Variants in NAV3 observed in about 807,000 individuals in gnomAD.
NAV3 encodes the protein neuron navigator 3.
NAV3 carries 87 observed loss-of-function variants against 244.7 expected under a neutral mutation model. That is an observed-to-expected ratio of 0.36 (90% CI 0.30 to 0.42). NAV3 has a LOEUF of 0.42. Among genes scored for constraint, NAV3 ranks in the 20% least tolerant of loss-of-function variants. NAV3 has a pLI of 1.00. For synonymous variants in NAV3, 1,126 were observed against 1,042.2 expected (o/e 1.08, Z -1.55); for missense variants, 2,663 against 2,893.3 (o/e 0.92, Z 1.83).
intron 6 of NAV3, among the ~76,000 whole-genome samples, chr12:77,997,339 T>C (rs1038573422): frequency 1.3e-5 from 2 of 151,556 alleles, no homozygotes; most frequent in African/African-American, 4.8e-5. Context: ...GTCAGTAGTA[T>C]AAAATCAAAA....
At chr12:77,621,477 C>CTTT (rs1217567447) in intron 2 of NAV3, among the ~76,000 whole-genome samples, 2 of 135,048 alleles carry the variant, frequency 1.5e-5, no homozygotes, top group African/African-American at 2.8e-5. Flanking sequence ...TTTCTCTTCT[C>CTTT]TTTTTTTTTT....
At chr12:78,038,029 T>C (rs546814678) in intron 9 of NAV3, among the ~76,000 whole-genome samples, 1 of 152,352 alleles carries the variant, frequency 6.6e-6, no homozygotes, top group East Asian at 1.9e-4. Context: ...TAGATGACTA[T>C]GAACTGTTTT....
chr12:78,199,312 T>C (rs1408101297), intron 36 of NAV3, 23 bp from the exon 37 acceptor site: 7 of 1,524,880 alleles, frequency 4.6e-6, no homozygotes, highest in South Asian at 1.2e-5. Context: ...TATAAAAATG[T>C]CTGATTTTTT....
intron 2 of NAV3, among the ~76,000 whole-genome samples, chr12:77,721,426 G>A (rs957273672): frequency 1.3e-5 from 2 of 151,760 alleles, no homozygotes; most frequent in Non-Finnish European, 2.9e-5. Context: ...TTTTGTTTTA[G>A]CTCTTCTTTG....
chr12:77,789,776 C>T (rs1871095788), intron 2 of NAV3, among the ~76,000 whole-genome samples: 1 of 138,586 alleles, frequency 7.2e-6, no homozygotes, highest in African/African-American at 2.7e-5. Context: ...TGCCATTGCA[C>T]TGCAGCCTGG....
In NAV3 at chr12:78,207,966, G is replaced by A. The variant is rs1361447822; in HGVS notation, c.7039-2432G>A. ...CAGTGATGATAAGGACTTGATCAAG[G>A]TGTTAGAAATGATAAACATTAAATT... On this transcript the variant is annotated intron_variant, in intron 39 of 39. Coordinates refer to ENST00000397909, the MANE Select transcript of NAV3 (RefSeq NM_001024383.2). 7.9e-5 allele frequency among the ~76,000 whole-genome samples: 12 copies of A among 152,272 alleles called. No individual in the cohort carries two copies. In the South Asian group the frequency reaches 2.5e-3, roughly 32 times the overall value.
At chr12:78,081,167 C>A (rs1459836605) in intron 12 of NAV3, among the ~76,000 whole-genome samples, 3 of 152,108 alleles carry the variant, frequency 2.0e-5, no homozygotes, top group Admixed American at 2.0e-4. Context: ...TGTTATAACA[C>A]CTCTAGCATC....
chr12:78,025,550 C>T (rs532396965), intron 9 of NAV3, among the ~76,000 whole-genome samples: 71 of 139,196 alleles, frequency 5.1e-4, no homozygotes, highest in African/African-American at 1.9e-3. Flanking sequence ...GAGTCAAGAT[C>T]GCACCACTGC....
chr12:77,583,966 T>G (rs1197306169), intron 2 of NAV3, among the ~76,000 whole-genome samples: 1 of 152,238 alleles, frequency 6.6e-6, no homozygotes, highest in African/African-American at 2.4e-5. Flanking sequence ...TTGTACTGAC[T>G]ACCCCTTCTG....
chr12:77,611,818 C>T (rs1870927684), intron 2 of NAV3, among the ~76,000 whole-genome samples: 1 of 151,958 alleles, frequency 6.6e-6, no homozygotes, highest in Admixed American at 6.6e-5. Context: ...AACAAATTAA[C>T]AGTGCTCTGC....
Position 78,137,168 on chromosome 12 carries a change from G to GT in NAV3, c.4442-4dup. The GT allele has an allele frequency of 6.2e-7, 1 of 1,605,488 alleles. No individual in the cohort carries two copies. Among genetic ancestry groups the GT allele is most frequent in the Non-Finnish European group, 8.5e-7 (1 of 1,175,946 alleles). On this transcript the variant is annotated splice_polypyrimidine_tract_variant and intron_variant, in intron 18 of 39. Coordinates refer to ENST00000397909, the MANE Select transcript of NAV3 (RefSeq NM_001024383.2). The stretch of plus-strand genomic sequence containing the variant: ...AAGAGTAATAGGCTCTGTGTGTTTT[G>GT]TTTTTCAGTGAGCCCAACAAATTTG...
intron 30 of NAV3, 65 bp downstream of exon 30, chr12:78,181,110 G>T: frequency 6.8e-7 from 1 of 1,465,688 alleles, no homozygotes; most frequent in South Asian, 1.2e-5. Flanking sequence ...GGGAAGCCTG[G>T]AATTTGGAGA....
At chr12:77,920,363 A>G (rs1237628988) in intron 1 of NAV3, among the ~76,000 whole-genome samples, 1 of 151,948 alleles carries the variant, frequency 6.6e-6, no homozygotes, top group African/African-American at 2.4e-5. Flanking sequence ...TTTGTTTGAA[A>G]AAATGGATTT....
At chr12:77,685,473 GCACACACA>G (rs778398842) in intron 2 of NAV3, among the ~76,000 whole-genome samples, 1 of 42,596 alleles carries the variant, frequency 2.3e-5, no homozygotes, top group African/African-American at 4.8e-5. Context: ...GCATACACAT[GCACACACA>G]CACACACACA....
At chr12:78,044,816 T>C (rs1217762182) in intron 9 of NAV3, among the ~76,000 whole-genome samples, 2 of 152,224 alleles carry the variant, frequency 1.3e-5, no homozygotes, top group African/African-American at 4.8e-5. Flanking sequence ...CTTATCAGCT[T>C]AAGGAGTTTT....
rs1210157411 is a variant in NAV3, at chr12:78,212,078, G to A, written c.*1561G>A. On this transcript the variant is annotated 3_prime_UTR_variant, in exon 40 of 40. Transcript: ENST00000397909. ...GTGTGTTTGTCCTGTATTTACAGTT[G>A]TTTTTGACTATGCAGGAGCTATCAG... 6.6e-6 allele frequency: 1 copy of A among 152,596 alleles called. No individual in the cohort carries two copies. The allele number at this position is 152,596 out of a possible 1,614,324, so 9.5% of individuals were successfully genotyped here.
chr12:77,909,404 A>C (rs1463776440), intron 1 of NAV3, among the ~76,000 whole-genome samples: 3 of 151,902 alleles, frequency 2.0e-5, no homozygotes, highest in Admixed American at 6.6e-5. Context: ...TAGGAAGAAG[A>C]AGCATAAGAA....
chr12:77,924,176 G>A (rs118120262), intron 1 of NAV3, among the ~76,000 whole-genome samples: 108 of 152,210 alleles, frequency 7.1e-4, no homozygotes, highest in Middle Eastern at 3.4e-3. Flanking sequence ...CAAGAACTCA[G>A]ACTAATGAAA....
At chr12:77,858,490 A>G (rs1046798039) in intron 1 of NAV3, among the ~76,000 whole-genome samples, 1 of 152,146 alleles carries the variant, frequency 6.6e-6, no homozygotes, top group Non-Finnish European at 1.5e-5. Context: ...AGCTATTTAC[A>G]TACAATAGTT....
Sources: gnomAD v4.1 joint callset for allele counts (sites outside exome capture counted in the v4.1 genomes callset) on GRCh38, gnomAD v4.1.1 for gene constraint, MANE v1.5 for transcripts, NCBI Gene and HGNC (gene_info 2026-07-23, HGNC 2026-07-21) for gene names.